The following RABGAP1L variants were observed in gnomAD, a reference collection of about 807,000 sequenced individuals.
RABGAP1L encodes RAB GTPase activating protein 1 like.
Under a neutral mutation model 137.7 loss-of-function variants are expected in RABGAP1L, and 63 were observed. The observed-to-expected ratio is 0.46, with a 90% CI of 0.37 to 0.56. RABGAP1L has a LOEUF of 0.56. Ranked by LOEUF, RABGAP1L falls within the 20% of genes least tolerant of loss-of-function variation. The pLI is 0.00. For missense variants in RABGAP1L, 1,095 were observed against 1,244.0 expected (o/e 0.88, Z 1.80); for synonymous variants, 431 against 433.7 (o/e 0.99, Z 0.08).
At chr1:174,406,054 A>G (rs1649232189) in intron 13 of RABGAP1L, among the ~76,000 whole-genome samples, 1 of 152,024 alleles carries the variant, frequency 6.6e-6, no homozygotes, top group African/African-American at 2.4e-5. Flanking sequence ...AAAATATACA[A>G]TTTATTTTCT....
chr1:174,301,299 C>A (rs1270325990), intron 10 of RABGAP1L, among the ~76,000 whole-genome samples: 2 of 151,120 alleles, frequency 1.3e-5, no homozygotes, highest in African/African-American at 4.9e-5. Flanking sequence ...ACTCCGAAGC[C>A]CCTGAGGGGG....
At chr1:174,276,149 T>C (rs2148671115) in intron 9 of RABGAP1L, among the ~76,000 whole-genome samples, 1 of 152,234 alleles carries the variant, frequency 6.6e-6, no homozygotes, top group Admixed American at 6.5e-5. Context: ...ATTATTATTG[T>C]TATTATTTTA....
intron 10 of RABGAP1L, among the ~76,000 whole-genome samples, chr1:174,298,004 C>A (rs186793928): frequency 6.6e-6 from 1 of 152,066 alleles, no homozygotes; most frequent in East Asian, 1.9e-4. Flanking sequence ...TCCCATAGTA[C>A]AGAGACACAG....
intron 13 of RABGAP1L, among the ~76,000 whole-genome samples, chr1:174,502,391 G>C (rs1379357344): frequency 6.6e-6 from 1 of 151,466 alleles, no homozygotes; most frequent in Non-Finnish European, 1.5e-5. Flanking sequence ...GAAGTCCACA[G>C]AGCTTCTGAT....
chr1:174,626,760 T>G (rs114378674), intron 13 of RABGAP1L, among the ~76,000 whole-genome samples: 2 of 152,126 alleles, frequency 1.3e-5, no homozygotes, highest in African/African-American at 4.8e-5. Context: ...GCAACTAGAG[T>G]ACACTTTTAT....
At chr1:174,347,169 G>GGA (rs1288335765) in intron 11 of RABGAP1L, among the ~76,000 whole-genome samples, 1 of 152,114 alleles carries the variant, frequency 6.6e-6, no homozygotes, top group Non-Finnish European at 1.5e-5. Flanking sequence ...CATGAGCTGA[G>GGA]GAGAAGAATG....
chr1:174,362,920 G>T (rs1326790955), intron 11 of RABGAP1L, among the ~76,000 whole-genome samples: 1 of 152,106 alleles, frequency 6.6e-6, no homozygotes, highest in Non-Finnish European at 1.5e-5. Context: ...ATAGTTTTGG[G>T]TTTTACATTT....
chr1:174,790,601 T>G (rs556165483), intron 18 of RABGAP1L, among the ~76,000 whole-genome samples: 2 of 149,566 alleles, frequency 1.3e-5, no homozygotes, highest in African/African-American at 4.9e-5. Flanking sequence ...GCTATTGCAC[T>G]CTAGCCTGGG....
intron 13 of RABGAP1L, among the ~76,000 whole-genome samples, chr1:174,623,939 T>G (rs568510469): frequency 7.9e-5 from 12 of 152,296 alleles, no homozygotes; most frequent in Non-Finnish European, 1.6e-4. Context: ...ATTCAGATAG[T>G]AAAAGCAGAT....
intron 13 of RABGAP1L, among the ~76,000 whole-genome samples, chr1:174,446,309 A>G (rs1654760483): frequency 6.6e-6 from 1 of 152,242 alleles, no homozygotes; most frequent in Non-Finnish European, 1.5e-5. Context: ...GGAATGTAGA[A>G]GAAGAAATAT....
At chr1:174,782,841 G>A (rs145485357) in intron 18 of RABGAP1L, among the ~76,000 whole-genome samples, 344 of 152,272 alleles carry the variant, frequency 2.3e-3, no homozygotes, top group African/African-American at 8.0e-3. Flanking sequence ...ATGCAAATTA[G>A]GCTAAAAACA....
chr1:174,828,980 T>C (rs1244458795), intron 19 of RABGAP1L, among the ~76,000 whole-genome samples: 1 of 148,236 alleles, frequency 6.7e-6, no homozygotes, highest in Non-Finnish European at 1.5e-5. Context: ...GAAATAGGAT[T>C]GCTATCAAGA....
intron 15 of RABGAP1L, among the ~76,000 whole-genome samples, chr1:174,689,788 A>T (rs1678744624): frequency 6.6e-6 from 1 of 152,124 alleles, no homozygotes; most frequent in Admixed American, 6.5e-5. Flanking sequence ...GTCTTTAGTC[A>T]AGATCAGTGA....
chr1:174,328,560 A>G (rs948612859), intron 11 of RABGAP1L, among the ~76,000 whole-genome samples: 3 of 152,180 alleles, frequency 2.0e-5, no homozygotes, highest in African/African-American at 7.2e-5. Flanking sequence ...ATTTGAGGTC[A>G]GGAGTTCAAG....
intron 13 of RABGAP1L, among the ~76,000 whole-genome samples, chr1:174,430,667 A>T (rs764574313): frequency 1.4e-4 from 21 of 152,222 alleles, no homozygotes; most frequent in Non-Finnish European, 2.5e-4. Flanking sequence ...GTTCAGTTTA[A>T]CAGACATTTA....
intron 3 of RABGAP1L, among the ~76,000 whole-genome samples, chr1:174,222,651 A>G (rs980055679): frequency 2.0e-5 from 3 of 152,206 alleles, no homozygotes; most frequent in Admixed American, 6.5e-5. Flanking sequence ...AAAATGCGTT[A>G]CCATCAAGAT....
chr1:174,420,172 G>C (rs1424031304), intron 13 of RABGAP1L, among the ~76,000 whole-genome samples: 1 of 148,118 alleles, frequency 6.8e-6, no homozygotes, highest in African/African-American at 2.5e-5. Context: ...TTAACACAGA[G>C]TTTAAGGTTC....
chr1:174,416,906 C>T (rs1177652268), intron 13 of RABGAP1L, among the ~76,000 whole-genome samples: 5 of 151,960 alleles, frequency 3.3e-5, no homozygotes, highest in South Asian at 4.1e-4. Flanking sequence ...ATTTACCAAA[C>T]GGGAATTGAT....
At chr1:174,914,381 AT>A (rs1190814820) in intron 19 of RABGAP1L, among the ~76,000 whole-genome samples, 19 of 152,318 alleles carry the variant, frequency 1.2e-4, no homozygotes, top group African/African-American at 4.6e-4. Context: ...ACCAGACCTA[AT>A]CATATGGCCA....
Sources: allele counts gnomAD v4.1 joint callset (sites outside exome capture counted in the v4.1 genomes callset), GRCh38; gene constraint gnomAD v4.1.1; transcripts MANE v1.5; gene names NCBI Gene and HGNC (gene_info 2026-07-23, HGNC 2026-07-21).